MPHOSPH6: variants seen among roughly 807,000 people sequenced by gnomAD.
The protein encoded by MPHOSPH6 is M-phase phosphoprotein 6.
A neutral mutation model predicts 21.8 loss-of-function variants in MPHOSPH6; 25 were observed. The ratio of observed to expected loss-of-function variants is 1.15; its 90% CI spans 0.83 to 1.60. The LOEUF (loss-of-function observed/expected upper bound fraction) is 1.60. MPHOSPH6 is among the 40% of genes most tolerant of loss of function. MPHOSPH6 has a pLI of 0.00. For missense variants in MPHOSPH6, 269 were observed against 181.8 expected, an observed-to-expected ratio of 1.48 and a Z score of -2.76; for synonymous variants, 84 against 56.5, an observed-to-expected ratio of 1.49 and a Z score of -2.18.
At position 82,148,692 on chromosome 16, in the gene MPHOSPH6, C is replaced by A. The variant is rs3751864; in HGVS notation, c.*39G>T. On this transcript the variant is annotated 3_prime_UTR_variant, in exon 5 of 5. Transcript: ENST00000258169. ...TGAGCTCCAGATGCCCTGCTGACTT[C>A]CACCAAGCACCCCTGGGCCATCGCT... is the stretch of plus-strand genomic sequence containing the variant. The A allele has an allele frequency of 6.2e-7, 1 of 1,605,504 alleles. No homozygotes were observed. Among genetic ancestry groups the A allele is most frequent in the East Asian group, 2.2e-5 (1 of 44,786 alleles).
intron 2 of MPHOSPH6, among the ~76,000 whole-genome samples, chr16:82,157,518 C>T (rs554792264): frequency 6.6e-6 from 1 of 152,146 alleles, no homozygotes; most frequent in African/African-American, 2.4e-5. Flanking sequence ...AAGATCTTTA[C>T]GTGATGATGG....
At chr16:82,169,332 A>C (rs1375006998) in intron 1 of MPHOSPH6, among the ~76,000 whole-genome samples, 1 of 152,054 alleles carries the variant, frequency 6.6e-6, no homozygotes, top group East Asian at 1.9e-4. Flanking sequence ...CTTGCCTCTC[A>C]GACTTCTGAA....
At chr16:82,154,230 A>G (rs1468470384) in intron 2 of MPHOSPH6, among the ~76,000 whole-genome samples, 1 of 152,244 alleles carries the variant, frequency 6.6e-6, no homozygotes, top group Non-Finnish European at 1.5e-5. Context: ...AGAACAAGCT[A>G]AACACTCTGT....
intron 2 of MPHOSPH6, among the ~76,000 whole-genome samples, chr16:82,154,889 T>G (rs1434269806): frequency 1.3e-5 from 2 of 152,196 alleles, no homozygotes; most frequent in African/African-American, 4.8e-5. Context: ...TCCAACTCAT[T>G]TTATGGCCAA....
At chr16:82,166,599 T>A (rs1906788400) in intron 1 of MPHOSPH6, among the ~76,000 whole-genome samples, 1 of 152,178 alleles carries the variant, frequency 6.6e-6, no homozygotes, top group Non-Finnish European at 1.5e-5. Context: ...CTCTTGTTCA[T>A]CTTGTATCAT....
intron 2 of MPHOSPH6, among the ~76,000 whole-genome samples, chr16:82,159,132 T>A (rs1268176829): frequency 2.6e-5 from 4 of 152,190 alleles, no homozygotes; most frequent in African/African-American, 7.2e-5. Flanking sequence ...GTGAGGGGGA[T>A]TTTCTTTATA....
At chr16:82,163,193 A>G (rs1597164307) in intron 2 of MPHOSPH6, among the ~76,000 whole-genome samples, 1 of 152,224 alleles carries the variant, frequency 6.6e-6, no homozygotes. Flanking sequence ...AAGCCCAAAC[A>G]TCAGGTACAG....
chr16:82,167,056 A>G (rs62045963), intron 1 of MPHOSPH6, among the ~76,000 whole-genome samples: 99,157 of 152,080 alleles, frequency 0.65, 34,434 homozygotes, highest in East Asian at 0.78. Flanking sequence ...CTGGTACACA[A>G]CCATGGTCAT....
At chr16:82,151,724 G>C (rs867454384) in intron 2 of MPHOSPH6, among the ~76,000 whole-genome samples, 20 of 152,318 alleles carry the variant, frequency 1.3e-4, no homozygotes, top group Middle Eastern at 6.8e-3. Flanking sequence ...TAGAGGCACA[G>C]CCTCTCTTAA....
chr16:82,162,004 C>A (rs953866655), intron 2 of MPHOSPH6, among the ~76,000 whole-genome samples: 1 of 152,166 alleles, frequency 6.6e-6, no homozygotes, highest in Non-Finnish European at 1.5e-5. Flanking sequence ...AAAGGATACA[C>A]AAACATAAGT....
chr16:82,159,130 G>T (rs960910008), intron 2 of MPHOSPH6, among the ~76,000 whole-genome samples: 1 of 152,176 alleles, frequency 6.6e-6, no homozygotes, highest in Non-Finnish European at 1.5e-5. Flanking sequence ...GTGTGAGGGG[G>T]ATTTTCTTTA....
At chr16:82,163,400 G>A (rs1307204121) in intron 2 of MPHOSPH6, among the ~76,000 whole-genome samples, 1 of 152,178 alleles carries the variant, frequency 6.6e-6, no homozygotes. Context: ...CAAAATTGTT[G>A]ATCAGGCACC....
At chr16:82,150,288 C>G (rs984278730) in intron 3 of MPHOSPH6, among the ~76,000 whole-genome samples, 3 of 152,152 alleles carry the variant, frequency 2.0e-5, no homozygotes, top group African/African-American at 4.8e-5. Context: ...CCAAACCCTA[C>G]TCTTTGAATA....
At chr16:82,160,867 A>C (rs1350533899) in intron 2 of MPHOSPH6, among the ~76,000 whole-genome samples, 1 of 152,204 alleles carries the variant, frequency 6.6e-6, no homozygotes, top group African/African-American at 2.4e-5. Context: ...CTGAAAAATG[A>C]CGTGCAGGTA....
intron 3 of MPHOSPH6, among the ~76,000 whole-genome samples, chr16:82,150,142 G>C (rs577903213): frequency 3.3e-5 from 5 of 151,898 alleles, no homozygotes; most frequent in African/African-American, 4.8e-5. Context: ...TTTCCTAGGG[G>C]GAGTGTATTC....
chr16:82,162,413 C>T (rs965168328), intron 2 of MPHOSPH6: 11 of 152,346 alleles, frequency 7.2e-5, no homozygotes, highest in Non-Finnish European at 1.2e-4. Flanking sequence ...TCACCTGTTT[C>T]TCTGGCCTGG....
chr16:82,168,470 C>CT (rs1425522474), intron 1 of MPHOSPH6, among the ~76,000 whole-genome samples: 4 of 43,492 alleles, frequency 9.2e-5, no homozygotes, highest in African/African-American at 4.8e-4. Flanking sequence ...TTTACTCTCT[C>CT]TCTTTTTTTT....
intron 2 of MPHOSPH6, among the ~76,000 whole-genome samples, chr16:82,159,696 G>A (rs943160769): frequency 1.3e-5 from 2 of 152,138 alleles, no homozygotes; most frequent in Non-Finnish European, 2.9e-5. Flanking sequence ...GTGAGCCACC[G>A]TGCCCGGCCT....
intron 2 of MPHOSPH6, among the ~76,000 whole-genome samples, chr16:82,153,075 C>A (rs1407315768): frequency 6.6e-6 from 1 of 151,890 alleles, no homozygotes; most frequent in Non-Finnish European, 1.5e-5. Flanking sequence ...TGCAATGAGT[C>A]AAGATTGTGC....
Sources: allele counts gnomAD v4.1 joint callset (sites outside exome capture counted in the v4.1 genomes callset), GRCh38; gene constraint gnomAD v4.1.1; transcripts MANE v1.5; gene names NCBI Gene and HGNC (gene_info 2026-07-23, HGNC 2026-07-21).